Variants in ZC2HC1B observed in about 807,000 individuals in gnomAD.
The protein encoded by ZC2HC1B is zinc finger C2HC domain-containing protein 1B.
A neutral mutation model predicts 31.0 loss-of-function variants in ZC2HC1B; 36 were observed. The ratio of observed to expected loss-of-function variants is 1.16; its 90% confidence interval spans 0.89 to 1.54. ZC2HC1B has a LOEUF of 1.54. Ranked by LOEUF, ZC2HC1B falls within the 40% of genes most tolerant of loss-of-function variation. The pLI, the probability that ZC2HC1B is intolerant of heterozygous loss-of-function variation, is 0.00. For synonymous variants in ZC2HC1B, 73 were observed against 88.0 expected (o/e 0.83, Z 0.95); for missense variants, 260 against 268.6 (o/e 0.97, Z 0.22).
chr6:143,922,391 C>T lies in ZC2HC1B; in HGVS notation c.599-15258C>T, dbSNP rs371729213. On this transcript the variant is annotated intron_variant, in intron 6 of 7. Transcript: ENST00000237275. This position sits in a 1 kb window ranked among gnomAD's most constrained non-coding sequence, Gnocchi z 5.0. ...TATATTGTTGTTAACTGCAGTCACC[C>T]TACTGTGCTATCAAACACTAGAACT... Among the ~76,000 whole-genome samples the T allele has an allele frequency of 2.0e-4, 30 of 152,260 alleles. No individual in the cohort carries two copies. Among genetic ancestry groups the T allele is most frequent in the African/African-American group, 7.0e-4 (29 of 41,562 alleles).
In ZC2HC1B at chr6:143,884,926, T is replaced by C. The variant is rs1223014459; in HGVS notation, c.90+561T>C. ...GTTGTACAGATTCAAGCTAACGGCA[T>C]GTCAAGTCCCCGATTGATGGCTATA... is the stretch of plus-strand genomic sequence containing the variant. On this transcript the variant is annotated intron_variant, in intron 2 of 7. Coordinates refer to ENST00000237275, the MANE Select transcript of ZC2HC1B (RefSeq NM_001013623.3). This position sits in a 1 kb window ranked among gnomAD's most constrained non-coding sequence, Gnocchi z 5.1. Among the ~76,000 whole-genome samples, 2 of 152,212 alleles carry C rather than the reference T, an allele frequency of 1.3e-5. No individual in the cohort carries two copies. The highest frequency in any genetic ancestry group is 2.9e-5 in the Non-Finnish European group (2 of 68,036).
intron 1 of ZC2HC1B, among the ~76,000 whole-genome samples, chr6:143,881,098 A>G (rs748299566): frequency 6.6e-6 from 1 of 152,066 alleles, no homozygotes; most frequent in Non-Finnish European, 1.5e-5. Flanking sequence ...ACTCCCACTC[A>G]TCTTTATCCT....
intron 1 of ZC2HC1B, among the ~76,000 whole-genome samples, chr6:143,877,000 A>G (rs1261029201): frequency 6.6e-6 from 1 of 150,484 alleles, no homozygotes; most frequent in East Asian, 1.9e-4. Flanking sequence ...GCATCCTTCA[A>G]TTCAGTCAAG....
At chr6:143,896,918 G>A (rs1300085873) in intron 4 of ZC2HC1B, among the ~76,000 whole-genome samples, 1 of 151,918 alleles carries the variant, frequency 6.6e-6, no homozygotes, top group East Asian at 1.9e-4. Flanking sequence ...CTTACTCCTT[G>A]ATTTCAGAGA....
chr6:143,897,763 A>C (rs1315036079), intron 4 of ZC2HC1B, among the ~76,000 whole-genome samples: 2 of 152,036 alleles, frequency 1.3e-5, no homozygotes, highest in Non-Finnish European at 2.9e-5. Flanking sequence ...AGTCCCATTG[A>C]CTTCCATTCA....
At chr6:143,901,877 A>G (rs1397185116) in intron 5 of ZC2HC1B, among the ~76,000 whole-genome samples, 2 of 152,188 alleles carry the variant, frequency 1.3e-5, no homozygotes, top group African/African-American at 4.8e-5. Flanking sequence ...GTATAAGTCT[A>G]CCTACAGTCT....
At chr6:143,890,449 C>T (rs1166792865) in intron 4 of ZC2HC1B, among the ~76,000 whole-genome samples, 2 of 150,140 alleles carry the variant, frequency 1.3e-5, no homozygotes, top group African/African-American at 4.9e-5. Context: ...AAGGAACTTC[C>T]TCCATAAAGG....
chr6:143,895,414 C>T lies in ZC2HC1B; in HGVS notation c.350-3138C>T, dbSNP rs142526019. On this transcript the variant is annotated intron_variant, in intron 4 of 7. Transcript: ENST00000237275. The surrounding 1 kb of genome is among the most constrained non-coding windows in gnomAD (Gnocchi z 4.8). ...CTGACCTCAGGTAATGCACATGCCT[C>T]GGCCTCCCAAAGTGCTGGGATTACA... Among the ~76,000 whole-genome samples the T allele has an allele frequency of 0.05, 7,541 of 152,206 alleles. 200 individuals are homozygous for T. The highest frequency in any genetic ancestry group is 0.094 in the East Asian group (486 of 5,176).
rs566323413 is a variant in ZC2HC1B, at chr6:143,900,092, C to T, written c.489+1401C>T. On this transcript the variant is annotated intron_variant, in intron 5 of 7. Coordinates refer to ENST00000237275, the MANE Select transcript of ZC2HC1B (RefSeq NM_001013623.3). ...GGGGAGCGAAAGCATAGAGTACCTA[C>T]GAAAGAGGTACAGGGTGCTGGGTGT... Among the ~76,000 whole-genome samples, 136 of 152,130 alleles carry T rather than the reference C, an allele frequency of 8.9e-4. 4 individuals carry two copies. In the South Asian group the frequency reaches 0.024, roughly 27 times the overall value.
rs918139256 is a variant in ZC2HC1B at position 143,919,231 on chromosome 6, G to T, written c.598+16079G>T. Reference sequence around the variant, plus strand: ...TTTGCTATTCTCTGTGTGTGTGTGTGTGTGTGTGTGTGTGTGTGTGTGTGT... The same window carrying T: ...TTTGCTATTCTCTGTGTGTGTGTGTTTGTGTGTGTGTGTGTGTGTGTGTGT... On this transcript the variant is annotated intron_variant, in intron 6 of 7. Coordinates refer to ENST00000237275, the MANE Select transcript of ZC2HC1B (RefSeq NM_001013623.3). 2.1e-5 allele frequency among the ~76,000 whole-genome samples: 3 copies of T among 145,852 alleles called. No individual in the cohort carries two copies. The South Asian group carries it at 6.7e-4, about 32-fold the overall frequency.
chr6:143,913,986 T>C lies in ZC2HC1B; in HGVS notation c.598+10834T>C, dbSNP rs1777889648. 6.6e-6 allele frequency among the ~76,000 whole-genome samples: 1 copy of C among 152,248 alleles called. No homozygotes were observed. The highest frequency in any genetic ancestry group is 2.4e-5 in the African/African-American group (1 of 41,464). ...CACAGCTGCTTCTAATCGGCCATCT[T>C]GGCCCCTCTCCCAATGGTTTTTCAA... On this transcript the variant is annotated intron_variant, in intron 6 of 7. Transcript: ENST00000237275. The surrounding 1 kb of genome is among the most constrained non-coding windows in gnomAD (Gnocchi z 5.7).
chr6:143,934,418 A>G lies in ZC2HC1B; in HGVS notation c.599-3231A>G, dbSNP rs1360874914. ...TCTTTCAATATGCTTTTTTAATATTATGATTTTGAATTCCTTTTCTGGCAT... is the reference window on the plus strand; with the variant it reads ...TCTTTCAATATGCTTTTTTAATATTGTGATTTTGAATTCCTTTTCTGGCAT... On this transcript the variant is annotated intron_variant, in intron 6 of 7. Coordinates refer to ENST00000237275, the MANE Select transcript of ZC2HC1B (RefSeq NM_001013623.3). The surrounding 1 kb of genome is among the most constrained non-coding windows in gnomAD (Gnocchi z 4.6). Among the ~76,000 whole-genome samples the G allele has an allele frequency of 1.3e-5, 2 of 152,184 alleles. No individual in the cohort carries two copies. Among genetic ancestry groups the G allele is most frequent in the African/African-American group, 4.8e-5 (2 of 41,442 alleles).
chr6:143,870,966 G>A lies in ZC2HC1B; in HGVS notation c.28+6399G>A, dbSNP rs1053700628. Among the ~76,000 whole-genome samples the A allele has an allele frequency of 2.5e-4, 38 of 151,854 alleles. No individual in the cohort carries two copies. Among genetic ancestry groups the A allele is most frequent in the African/African-American group, 7.5e-4 (31 of 41,310 alleles). ...CTTCAGGTCACTTGATAAATGGGCCGGATTAACACACCCACATGAGAAATG... is the reference window on the plus strand; with the variant it reads ...CTTCAGGTCACTTGATAAATGGGCCAGATTAACACACCCACATGAGAAATG... On this transcript the variant is annotated intron_variant, in intron 1 of 7. Coordinates refer to ENST00000237275, the MANE Select transcript of ZC2HC1B (RefSeq NM_001013623.3). The surrounding 1 kb of genome is among the most constrained non-coding windows in gnomAD (Gnocchi z 4.7).
In ZC2HC1B at chr6:143,871,540, G is replaced by A. The variant is rs1028530905; in HGVS notation, c.28+6973G>A. On this transcript the variant is annotated intron_variant, in intron 1 of 7. Coordinates refer to ENST00000237275, the MANE Select transcript of ZC2HC1B (RefSeq NM_001013623.3). This position sits in a 1 kb window ranked among gnomAD's most constrained non-coding sequence, Gnocchi z 4.1. ...ATCTGGTACAGCAGCTGCAGTTGGA[G>A]TCATCACTTGGTTAAGCTTATGATA... Among the ~76,000 whole-genome samples the A allele has an allele frequency of 6.6e-6, 1 of 152,190 alleles. No individual in the cohort carries two copies. Among genetic ancestry groups the A allele is most frequent in the Non-Finnish European group, 1.5e-5 (1 of 68,032 alleles).
intron 4 of ZC2HC1B, among the ~76,000 whole-genome samples, chr6:143,894,882 G>C (rs1777647109): frequency 6.6e-6 from 1 of 152,134 alleles, no homozygotes; most frequent in Non-Finnish European, 1.5e-5. Flanking sequence ...ATCTAACCGT[G>C]ACTTGGATCT....
At chr6:143,896,185 T>C (rs1039653389) in intron 4 of ZC2HC1B, among the ~76,000 whole-genome samples, 2 of 152,184 alleles carry the variant, frequency 1.3e-5, no homozygotes, top group African/African-American at 2.4e-5. Context: ...CAAGCAGTAA[T>C]TGTCTGTTTG....
At chr6:143,897,457 C>T (rs184238742) in intron 4 of ZC2HC1B, among the ~76,000 whole-genome samples, 43 of 151,050 alleles carry the variant, frequency 2.8e-4, no homozygotes, top group Admixed American at 7.3e-4. Context: ...CATTTCTCTC[C>T]GTAACCAATT....
chr6:143,931,864 C>CTT (rs34072590), intron 6 of ZC2HC1B, among the ~76,000 whole-genome samples: 16 of 36,476 alleles, frequency 4.4e-4, no homozygotes, highest in South Asian at 4.0e-3. Flanking sequence ...TCTTCTTCTT[C>CTT]TTTTTTTTTT....
chr6:143,896,845 A>AT (rs921082536), intron 4 of ZC2HC1B, among the ~76,000 whole-genome samples: 43 of 151,662 alleles, frequency 2.8e-4, no homozygotes, highest in Non-Finnish European at 3.5e-4. Flanking sequence ...GTCCTGTTCT[A>AT]TTTTTTTTCA....
Sources: allele counts gnomAD v4.1 joint callset (sites outside exome capture counted in the v4.1 genomes callset), GRCh38; gene constraint gnomAD v4.1.1; non-coding constraint Gnocchi (gnomAD v3.1); transcripts MANE v1.5; gene names NCBI Gene and HGNC (gene_info 2026-07-23, HGNC 2026-07-21).